Variants in ACSL1 observed in about 807,000 individuals in gnomAD.
The protein encoded by ACSL1 is acyl-CoA synthetase long chain family member 1.
Under a neutral mutation model 98.4 loss-of-function variants are expected in ACSL1, and 41 were observed. The observed-to-expected ratio is 0.42, with a 90% CI of 0.32 to 0.54. ACSL1 has a LOEUF of 0.54. Among genes scored for constraint, ACSL1 ranks in the 20% least tolerant of loss-of-function variants. The pLI is 0.13. For synonymous variants in ACSL1, 316 were observed against 322.7 expected, an observed-to-expected ratio of 0.98 and a Z score of 0.22; for missense variants, 734 against 883.1, an observed-to-expected ratio of 0.83 and a Z score of 2.14.
intron 1 of ACSL1, among the ~76,000 whole-genome samples, chr4:184,820,119 C>G (rs1772943244): frequency 6.6e-6 from 1 of 152,114 alleles, no homozygotes; most frequent in African/African-American, 2.4e-5. Flanking sequence ...CCAAGTCACC[C>G]CCCTCCGATC....
chr4:184,814,420 G>A lies in ACSL1; in HGVS notation c.-32-10874C>T, dbSNP rs111487122. ...GAAAAGATGGCCACACAATCCTGGC[G>A]TCCAGGACTAAACAATCAAGTTTCC... is the stretch of plus-strand genomic sequence containing the variant. On this transcript the variant is annotated intron_variant, in intron 1 of 20. Transcript: ENST00000281455. 6.8e-3 allele frequency among the ~76,000 whole-genome samples: 1,033 copies of A among 151,926 alleles called. 14 individuals are homozygous for A. Among genetic ancestry groups the A allele is most frequent in the African/African-American group, 0.023 (956 of 41,440 alleles).
intron 1 of ACSL1, chr4:184,812,322 C>T (rs1772203354): frequency 2.9e-6 from 2 of 695,646 alleles, no homozygotes; most frequent in African/African-American, 3.9e-5. Flanking sequence ...GTGATTCTGA[C>T]CGTGTCAGAC....
intron 1 of ACSL1, chr4:184,821,369 T>C (rs533354675): frequency 1.1e-5 from 3 of 267,802 alleles, no homozygotes; most frequent in African/African-American, 6.7e-5. Flanking sequence ...AAGTGCCCAT[T>C]TCTATAGCAG....
chr4:184,809,252 T>C (rs752933717), intron 1 of ACSL1, among the ~76,000 whole-genome samples: 1 of 151,928 alleles, frequency 6.6e-6, no homozygotes, highest in Non-Finnish European at 1.5e-5. Context: ...AGAGAAAGAG[T>C]GAGACACAAA....
rs1369127114 is a variant in ACSL1 at position 184,776,531 on chromosome 4, G to A, written c.709C>T (p.Arg237Ter). 1.2e-6 allele frequency: 2 copies of A among 1,614,130 alleles called. No homozygotes were observed. Among genetic ancestry groups the A allele is most frequent in the Admixed American group, 1.7e-5 (1 of 60,030 alleles). The stretch of plus-strand genomic sequence containing the variant: ...ACTTCCACCCCACACCTCTGGCCTC[G>A]TTCCACCAGTTCACTGCCGTAGGCA... ...MDAYGSELVE[R>*]GQRCGVEVTS... The change falls in exon 7 of 21, where the codon CGA becomes TGA. Residue 237 changes from arginine to a stop codon, truncating the protein, a stop_gained. Transcript: ENST00000281455. LOFTEE classifies it high-confidence loss of function.
intron 2 of ACSL1, among the ~76,000 whole-genome samples, chr4:184,790,437 C>T (rs1768153911): frequency 6.6e-6 from 1 of 152,136 alleles, no homozygotes; most frequent in Non-Finnish European, 1.5e-5. Flanking sequence ...GTGTATTTCA[C>T]TCTTGATCCC....
intron 1 of ACSL1, among the ~76,000 whole-genome samples, chr4:184,820,809 T>G (rs1433319952): frequency 2.6e-5 from 4 of 151,678 alleles, no homozygotes; most frequent in African/African-American, 9.7e-5. Context: ...TTCACCATAT[T>G]GGTCAGGGTG....
Position 184,768,711 on chromosome 4 carries a change from G to A in ACSL1, c.994-261C>T, listed in dbSNP as rs56818253. Among the ~76,000 whole-genome samples, 301 of 152,286 alleles carry A rather than the reference G, an allele frequency of 2.0e-3. 8 individuals are homozygous for A. In the East Asian group the frequency reaches 0.046, roughly 23 times the overall value. ...TGTTGTTTTTAGTGATGACCACAGA[G>A]GTTCTACTCTTTTAGTGCGGTGGTA... On this transcript the variant is annotated intron_variant, in intron 11 of 20. Coordinates refer to ENST00000281455, the MANE Select transcript of ACSL1 (RefSeq NM_001995.5).
In ACSL1 at chr4:184,757,636, T is replaced by G; in HGVS notation, c.1955A>C (p.Gln652Pro). The change falls in exon 20 of 21, where the codon CAG becomes CCG. Residue 652 changes from glutamine to proline, a missense_variant and splice_region_variant. Gln to Pro is a moderately conservative substitution (Grantham distance 76, BLOSUM62 -1). Coordinates refer to ENST00000281455, the MANE Select transcript of ACSL1 (RefSeq NM_001995.5). This position sits in a 1 kb window ranked among gnomAD's most constrained non-coding sequence, Gnocchi z 4.5. ...GKDSGLKPFE[Q>P]VKGITLHPEL... ...CACCCACTCAGATGAAGGTCATACC[T>G]GTTCAAATGGTTTCAGACCAGAATC... The G allele has an allele frequency of 6.2e-7, 1 of 1,613,004 alleles. No individual in the cohort carries two copies. Among genetic ancestry groups the G allele is most frequent in the Non-Finnish European group, 8.5e-7 (1 of 1,179,658 alleles).
chr4:184,789,118 T>TG (rs1767912353), intron 2 of ACSL1, among the ~76,000 whole-genome samples: 1 of 152,126 alleles, frequency 6.6e-6, no homozygotes, highest in Non-Finnish European at 1.5e-5. Context: ...GCCCAGTGAG[T>TG]GAGTGCTGAA....
In ACSL1 at chr4:184,762,541, A is replaced by G; in HGVS notation, c.1522-18T>C. The G allele has an allele frequency of 6.2e-7, 1 of 1,603,442 alleles. No individual in the cohort carries two copies. The highest frequency in any genetic ancestry group is 8.5e-7 in the Non-Finnish European group (1 of 1,170,182). ...ACACACACCTAAAGAAAAGAAGATC[A>G]TCAGTGAACAGCATTTACTGGGGTT... On this transcript the variant is annotated intron_variant, in intron 16 of 20. Coordinates refer to ENST00000281455, the MANE Select transcript of ACSL1 (RefSeq NM_001995.5).
Position 184,763,405 on chromosome 4 carries a change from T to C in ACSL1, c.1433-150A>G, listed in dbSNP as rs572219387. 50 of 738,846 alleles carry C rather than the reference T, an allele frequency of 6.8e-5. 1 individual carries two copies. The South Asian group carries it at 8.1e-4, about 12-fold the overall frequency. The allele number at this position is 738,846 out of a possible 1,614,324, so 45.8% of individuals were successfully genotyped here. On this transcript the variant is annotated intron_variant, in intron 15 of 20. Coordinates refer to ENST00000281455, the MANE Select transcript of ACSL1 (RefSeq NM_001995.5). ...AATTACAGCCATTCTCTTCCTAGTA[T>C]AATTTAAGAGAGTCTATTCTTAGAC...
At chr4:184,811,275 AT>A (rs371577009) in intron 1 of ACSL1, among the ~76,000 whole-genome samples, 6,098 of 149,016 alleles carry the variant, frequency 0.041, 316 homozygotes, top group African/African-American at 0.12. Context: ...CGCCTGGCTA[AT>A]TTTTTTTTTG....
intron 5 of ACSL1, 67 bp from the exon 6 acceptor site, chr4:184,777,050 T>C (rs1030826058): frequency 3.6e-6 from 5 of 1,374,692 alleles, no homozygotes; most frequent in Admixed American, 3.5e-5. Flanking sequence ...AGGAGAACAA[T>C]ACTCAAGAGA....
intron 10 of ACSL1, among the ~76,000 whole-genome samples, chr4:184,772,004 CAA>C (rs1459615817): frequency 6.6e-6 from 1 of 152,102 alleles, no homozygotes; most frequent in East Asian, 1.9e-4. Context: ...TGACTCAGAA[CAA>C]AAATATTGTC....
At chr4:184,818,630 GCGGTAAGGCCCTGTATTAAA>G (rs1772816531) in intron 1 of ACSL1, among the ~76,000 whole-genome samples, 1 of 152,168 alleles carries the variant, frequency 6.6e-6, no homozygotes, top group African/African-American at 2.4e-5. Flanking sequence ...ATGCTTACTA[GCGGTAAGGCCCTGTATTAAA>G]CGCTGCTGAA....
At position 184,766,879 on chromosome 4, in the gene ACSL1, G is replaced by T; in HGVS notation, c.1129-123C>A. The T allele has an allele frequency of 1.7e-6, 2 of 1,148,914 alleles. No individual in the cohort carries two copies. The highest frequency in any genetic ancestry group is 1.6e-5 in the African/African-American group (1 of 64,398). The allele number at this position is 1,148,914 out of a possible 1,614,324, so 71.2% of individuals were successfully genotyped here. On this transcript the variant is annotated intron_variant, in intron 12 of 20. Coordinates refer to ENST00000281455, the MANE Select transcript of ACSL1 (RefSeq NM_001995.5). This position sits in a 1 kb window ranked among gnomAD's most constrained non-coding sequence, Gnocchi z 4.8. ...ACAAAATGGCACAGCTGCTCTGACA[G>T]CCTGGCCGGTCCTCTAACGGCCCCA...
intron 11 of ACSL1, among the ~76,000 whole-genome samples, chr4:184,769,497 C>T (rs998821340): frequency 1.3e-5 from 2 of 152,194 alleles, no homozygotes; most frequent in East Asian, 1.9e-4. Context: ...TTTTGTTCAG[C>T]GTGGCCTGCC....
chr4:184,782,770 G>A (rs1766527183), intron 4 of ACSL1, among the ~76,000 whole-genome samples: 1 of 152,166 alleles, frequency 6.6e-6, no homozygotes, highest in South Asian at 2.1e-4. Context: ...CTTCTCTTGA[G>A]AGACAGATGA....
Sources: allele counts gnomAD v4.1 joint callset (sites outside exome capture counted in the v4.1 genomes callset), GRCh38; gene constraint gnomAD v4.1.1; non-coding constraint Gnocchi (gnomAD v3.1); transcripts MANE v1.5; gene names NCBI Gene and HGNC (gene_info 2026-07-23, HGNC 2026-07-21).